ANKIB1: variants seen among roughly 807,000 people sequenced by gnomAD.
ANKIB1 encodes ankyrin repeat and IBR domain-containing protein 1.
In ANKIB1, 43 loss-of-function variants were observed where a neutral mutation model predicts 122.1. The observed-to-expected ratio is 0.35, with a 90% CI of 0.28 to 0.45. ANKIB1 has a LOEUF of 0.45. ANKIB1 is among the 20% of genes least tolerant of loss of function. The probability of loss-of-function intolerance (pLI) is 1.00; values close to 1 mark genes in which losing one functional copy is unlikely to be tolerated. For missense variants in ANKIB1, 992 were observed against 1,329.5 expected (o/e 0.75, Z 3.95); for synonymous variants, 390 against 442.0 (o/e 0.88, Z 1.48).
chr7:92,282,043 T>TCGATA (rs1216864929), intron 1 of ANKIB1, among the ~76,000 whole-genome samples: 1 of 152,196 alleles, frequency 6.6e-6, no homozygotes, highest in African/African-American at 2.4e-5. Context: ...TTTCTAAACT[T>TCGATA]CGATACATAG....
intron 2 of ANKIB1, among the ~76,000 whole-genome samples, chr7:92,296,204 C>G (rs1434217935): frequency 1.3e-5 from 2 of 151,674 alleles, no homozygotes; most frequent in African/African-American, 4.9e-5. Context: ...TCACTCCTCT[C>G]CCTTTTCCCT....
intron 18 of ANKIB1, 94 bp downstream of exon 18, chr7:92,396,570 A>G (rs942392726): frequency 1.5e-6 from 1 of 656,856 alleles, no homozygotes; most frequent in Admixed American, 3.0e-5. Flanking sequence ...CGAGTTTGTC[A>G]TTTAGATATA....
At chr7:92,284,420 C>T (rs1802074328) in intron 1 of ANKIB1, among the ~76,000 whole-genome samples, 1 of 152,100 alleles carries the variant, frequency 6.6e-6, no homozygotes, top group African/African-American at 2.4e-5. Flanking sequence ...TATCTCAAGT[C>T]CATTTTCTGA....
intron 7 of ANKIB1, chr7:92,348,098 C>A: frequency 2.9e-6 from 1 of 345,632 alleles, no homozygotes; most frequent in Non-Finnish European, 5.6e-6. Context: ...TAAATTGTGT[C>A]TTGATGAGAA....
intron 5 of ANKIB1, among the ~76,000 whole-genome samples, chr7:92,331,158 T>C (rs1411855505): frequency 6.6e-6 from 1 of 152,162 alleles, no homozygotes. Context: ...CAGTAAACGT[T>C]TCTTAATCAT....
chr7:92,371,615 G>A lies in ANKIB1; in HGVS notation c.1617+8G>A, dbSNP rs1480257604. The A allele has an allele frequency of 6.3e-7, 1 of 1,593,816 alleles. No individual in the cohort carries two copies. On this transcript the variant is annotated splice_region_variant and intron_variant, in intron 11 of 19. Coordinates refer to ENST00000265742, the MANE Select transcript of ANKIB1 (RefSeq NM_019004.2). ...CACATGCAGTGTGCTAAGGTAAGAAGTTAAAGAGGATTTTGCATGCTTTGC... is the reference window on the plus strand; with the variant it reads ...CACATGCAGTGTGCTAAGGTAAGAAATTAAAGAGGATTTTGCATGCTTTGC...
At chr7:92,315,702 G>A (rs560511849) in intron 3 of ANKIB1, among the ~76,000 whole-genome samples, 21 of 152,254 alleles carry the variant, frequency 1.4e-4, no homozygotes, top group South Asian at 4.1e-4. Flanking sequence ...ACTGAGAAAC[G>A]CTGATAGATT....
chr7:92,355,043 T>C (rs1296674181), intron 9 of ANKIB1, among the ~76,000 whole-genome samples: 1 of 152,218 alleles, frequency 6.6e-6, no homozygotes. Context: ...ATATTCGTTG[T>C]TGGGAGACAA....
intron 6 of ANKIB1, 147 bp downstream of exon 6, chr7:92,343,379 C>T (rs957858133): frequency 4.5e-6 from 3 of 664,470 alleles, no homozygotes; most frequent in African/African-American, 3.6e-5. Flanking sequence ...TATTTCCATG[C>T]TTCAGTAAAT....
intron 1 of ANKIB1, among the ~76,000 whole-genome samples, chr7:92,272,557 G>C (rs959659540): frequency 1.3e-5 from 2 of 152,158 alleles, no homozygotes; most frequent in African/African-American, 2.4e-5. Flanking sequence ...GATCCAGAAT[G>C]AAAAGCCCTA....
At chr7:92,254,925 T>C (rs1801403758) in intron 1 of ANKIB1, among the ~76,000 whole-genome samples, 1 of 152,282 alleles carries the variant, frequency 6.6e-6, no homozygotes, top group South Asian at 2.1e-4. Flanking sequence ...AATCATAGCA[T>C]GAGGGCAGGT....
chr7:92,372,085 T>C (rs1804276736), intron 11 of ANKIB1, among the ~76,000 whole-genome samples: 1 of 150,812 alleles, frequency 6.6e-6, no homozygotes, highest in South Asian at 2.1e-4. Context: ...CGGCTTAGAC[T>C]CAAGGCCCAA....
chr7:92,371,851 A>C (rs1290192187), intron 11 of ANKIB1, among the ~76,000 whole-genome samples: 1 of 151,866 alleles, frequency 6.6e-6, no homozygotes, highest in Non-Finnish European at 1.5e-5. Flanking sequence ...AAGTGTAAGA[A>C]CCTATGGTAT....
At position 92,283,857 on chromosome 7, in the gene ANKIB1, G is replaced by A. The variant is rs537853407; in HGVS notation, c.-90-11032G>A. Among the ~76,000 whole-genome samples the A allele has an allele frequency of 3.0e-3, 454 of 152,126 alleles. 4 individuals are homozygous for A. The highest frequency in any genetic ancestry group is 5.1e-3 in the Non-Finnish European group (348 of 68,000). On this transcript the variant is annotated intron_variant, in intron 1 of 19. Transcript: ENST00000265742. ...ACAATCTCGGCTCACTGCAACCTCC[G>A]TCTCCCTGGCTCAAGTCATCCTCCT... is the stretch of plus-strand genomic sequence containing the variant.
Position 92,246,048 on chromosome 7 carries a change from CGACTAGGA to C in ANKIB1, c.-554_-547del. ...CAGTCTCTCAGGGGCTGGTGGCAGG[CGACTAGGA>C]GACTAGGGTGGTGGCGGTGGGGGTG... On this transcript the variant is annotated 5_prime_UTR_variant, in exon 1 of 20. Coordinates refer to ENST00000265742, the MANE Select transcript of ANKIB1 (RefSeq NM_019004.2). The C allele has an allele frequency of 3.7e-6, 1 of 268,340 alleles. No individual in the cohort carries two copies. The highest frequency in any genetic ancestry group is 7.3e-6 in the Non-Finnish European group (1 of 137,468). 16.6% of individuals were successfully genotyped at this position (268,340 alleles called of 1,614,324 possible).
At chr7:92,302,469 G>T (rs1292072129) in intron 2 of ANKIB1, among the ~76,000 whole-genome samples, 1 of 152,088 alleles carries the variant, frequency 6.6e-6, no homozygotes. Flanking sequence ...ATGCTATGTG[G>T]TTATATTATA....
intron 1 of ANKIB1, among the ~76,000 whole-genome samples, chr7:92,282,280 A>G (rs983154091): frequency 6.6e-6 from 1 of 151,496 alleles, no homozygotes; most frequent in African/African-American, 2.4e-5. Flanking sequence ...CAGCCTCCCA[A>G]GTAGCTGGCA....
intron 1 of ANKIB1, among the ~76,000 whole-genome samples, chr7:92,254,133 C>G (rs1344538006): frequency 6.6e-6 from 1 of 152,192 alleles, no homozygotes; most frequent in Admixed American, 6.5e-5. Flanking sequence ...AGTGGTTTAT[C>G]TAGGACCTAG....
At chr7:92,350,866 AAG>A (rs1803647969) in intron 7 of ANKIB1, 82 bp from the exon 8 acceptor site, 2 of 1,368,676 alleles carry the variant, frequency 1.5e-6, no homozygotes, top group Non-Finnish European at 1.9e-6. Context: ...CTAAAAAAAA[AAG>A]GAAAGAAAAA....
Sources: allele counts gnomAD v4.1 joint callset (sites outside exome capture counted in the v4.1 genomes callset), GRCh38; gene constraint gnomAD v4.1.1; transcripts MANE v1.5; gene names NCBI Gene and HGNC (gene_info 2026-07-23, HGNC 2026-07-21).